JAKMIP2: variants seen among roughly 807,000 people sequenced by gnomAD.
The protein encoded by JAKMIP2 is janus kinase and microtubule-interacting protein 2.
In JAKMIP2, 25 loss-of-function variants were observed where a neutral mutation model predicts 115.0. The ratio of observed to expected loss-of-function variants is 0.22; its 90% CI spans 0.16 to 0.30. The LOEUF (loss-of-function observed/expected upper bound fraction) is 0.30. Ranked by LOEUF, JAKMIP2 falls within the 10% of genes least tolerant of loss-of-function variation. The pLI is 1.00. For missense variants in JAKMIP2, 642 were observed against 957.6 expected, an observed-to-expected ratio of 0.67 and a Z score of 4.35; for synonymous variants, 334 against 343.6, an observed-to-expected ratio of 0.97 and a Z score of 0.31.
intron 7 of JAKMIP2, 120 bp downstream of exon 7, chr5:147,643,938 T>C (rs1330204375): frequency 5.9e-6 from 4 of 674,880 alleles, no homozygotes; most frequent in Non-Finnish European, 9.4e-6. Context: ...CAAAATTACA[T>C]ATTTAACATA....
chr5:147,633,559 G>A (rs1757467339), intron 12 of JAKMIP2, among the ~76,000 whole-genome samples: 1 of 152,158 alleles, frequency 6.6e-6, no homozygotes, highest in South Asian at 2.1e-4. Flanking sequence ...ATTCAGAAGT[G>A]ACACCTCTCC....
At chr5:147,630,232 G>C (rs1413812243) in intron 14 of JAKMIP2, among the ~76,000 whole-genome samples, 1 of 152,006 alleles carries the variant, frequency 6.6e-6, no homozygotes, top group African/African-American at 2.4e-5. Flanking sequence ...GAAAACTATA[G>C]TGCAGTACCA....
At chr5:147,726,283 G>T (rs1753513717) in intron 1 of JAKMIP2, among the ~76,000 whole-genome samples, 2 of 152,158 alleles carry the variant, frequency 1.3e-5, no homozygotes, top group African/African-American at 4.8e-5. Flanking sequence ...TCTATGTTTT[G>T]TCACACGTAT....
At chr5:147,756,149 T>C (rs1754734029) in intron 1 of JAKMIP2, among the ~76,000 whole-genome samples, 1 of 152,208 alleles carries the variant, frequency 6.6e-6, no homozygotes, top group Admixed American at 6.5e-5. Context: ...ATGAATTAAA[T>C]GGAAGTACAA....
At chr5:147,603,759 A>G (rs1377783536) in intron 20 of JAKMIP2, among the ~76,000 whole-genome samples, 1 of 152,230 alleles carries the variant, frequency 6.6e-6, no homozygotes, top group Non-Finnish European at 1.5e-5. Flanking sequence ...AAGTTCAGGA[A>G]GTTCAGACCC....
At chr5:147,733,180 G>A (rs1439690113) in intron 1 of JAKMIP2, among the ~76,000 whole-genome samples, 2 of 152,060 alleles carry the variant, frequency 1.3e-5, no homozygotes, top group Non-Finnish European at 2.9e-5. Context: ...AGTAAATGTG[G>A]ACAAAAAATA....
chr5:147,596,955 T>G (rs1166646341), intron 21 of JAKMIP2, among the ~76,000 whole-genome samples: 1 of 152,056 alleles, frequency 6.6e-6, no homozygotes, highest in Non-Finnish European at 1.5e-5. Flanking sequence ...CACTGCAGCC[T>G]CTGCCTCCTG....
intron 19 of JAKMIP2, 128 bp from the exon 20 acceptor site, chr5:147,612,499 C>T (rs1018599012): frequency 1.9e-5 from 11 of 575,776 alleles, no homozygotes; most frequent in Admixed American, 6.8e-5. Context: ...CTGGAAACAT[C>T]GCATGTATGT....
chr5:147,639,453 G>A (rs1266703842), intron 10 of JAKMIP2, among the ~76,000 whole-genome samples, 179 bp downstream of exon 10: 1 of 152,166 alleles, frequency 6.6e-6, no homozygotes, highest in Non-Finnish European at 1.5e-5. Flanking sequence ...ATTGATCTAA[G>A]CTGGTTCTAA....
intron 1 of JAKMIP2, among the ~76,000 whole-genome samples, chr5:147,724,497 A>C (rs1371959161): frequency 1.3e-5 from 2 of 152,226 alleles, no homozygotes; most frequent in Non-Finnish European, 2.9e-5. Context: ...CATTGGTCTA[A>C]GTGCCTTATA....
At chr5:147,700,124 G>T (rs1402949915) in intron 1 of JAKMIP2, among the ~76,000 whole-genome samples, 1 of 152,114 alleles carries the variant, frequency 6.6e-6, no homozygotes, top group Non-Finnish European at 1.5e-5. Flanking sequence ...AAGTAGAAAA[G>T]TTCATGGAGT....
chr5:147,765,398 A>C (rs531958017), intron 1 of JAKMIP2, among the ~76,000 whole-genome samples: 1 of 152,258 alleles, frequency 6.6e-6, no homozygotes, highest in East Asian at 1.9e-4. Flanking sequence ...CTTTCCCTTC[A>C]GTATCATTAC....
intron 1 of JAKMIP2, among the ~76,000 whole-genome samples, chr5:147,743,960 C>T (rs2127001867): frequency 6.6e-6 from 1 of 151,168 alleles, no homozygotes; most frequent in East Asian, 2.0e-4. Flanking sequence ...CCCCTCCCTC[C>T]CTCCCTCCTT....
intron 1 of JAKMIP2, among the ~76,000 whole-genome samples, chr5:147,757,593 C>G (rs928796034): frequency 6.6e-6 from 1 of 151,876 alleles, no homozygotes; most frequent in African/African-American, 2.4e-5. Flanking sequence ...ATCTCTGGAC[C>G]CTAGTTTCCT....
intron 1 of JAKMIP2, among the ~76,000 whole-genome samples, chr5:147,765,058 G>T (rs1458294461): frequency 2.3e-5 from 3 of 131,088 alleles, no homozygotes; most frequent in Non-Finnish European, 4.8e-5. Context: ...GAAGAGAGAA[G>T]GAAGGAAGGA....
At chr5:147,599,823 A>T (rs1755602265) in intron 21 of JAKMIP2, among the ~76,000 whole-genome samples, 1 of 152,120 alleles carries the variant, frequency 6.6e-6, no homozygotes, top group Admixed American at 6.6e-5. Flanking sequence ...GGTCTTGGGA[A>T]AGTCACATGC....
intron 1 of JAKMIP2, among the ~76,000 whole-genome samples, chr5:147,705,599 T>G (rs1752530555): frequency 6.6e-6 from 1 of 151,820 alleles, no homozygotes. Context: ...CCTGTGTGAC[T>G]TTTGGCAACA....
chr5:147,705,579 A>AT (rs966053124), intron 1 of JAKMIP2, among the ~76,000 whole-genome samples: 2 of 152,154 alleles, frequency 1.3e-5, no homozygotes, highest in African/African-American at 4.8e-5. Flanking sequence ...AAAAAAAAAA[A>AT]GTCTGAGGTC....
chr5:147,685,939 A>G (rs1580780382), intron 1 of JAKMIP2, among the ~76,000 whole-genome samples: 1 of 152,294 alleles, frequency 6.6e-6, no homozygotes, highest in East Asian at 1.9e-4. Flanking sequence ...GGTGGCGGAT[A>G]TGGTGGGAAG....
Sources: gnomAD v4.1 joint callset for allele counts (sites outside exome capture counted in the v4.1 genomes callset) on GRCh38, gnomAD v4.1.1 for gene constraint, MANE v1.5 for transcripts, NCBI Gene and HGNC (gene_info 2026-07-23, HGNC 2026-07-21) for gene names.